RBFOX1: variants seen among roughly 807,000 people sequenced by gnomAD.
RBFOX1 encodes RNA binding fox-1 homolog 1.
A neutral mutation model predicts 57.7 loss-of-function variants in RBFOX1; 8 were observed. The ratio of observed to expected loss-of-function variants is 0.14; its 90% CI spans 0.08 to 0.25. The LOEUF (loss-of-function observed/expected upper bound fraction) is 0.25. Ranked by LOEUF, RBFOX1 falls within the 10% of genes least tolerant of loss-of-function variation. RBFOX1 has a pLI of 1.00. For synonymous variants in RBFOX1, 326 were observed against 222.4 expected, an observed-to-expected ratio of 1.47 and a Z score of -4.15; for missense variants, 611 against 548.5, an observed-to-expected ratio of 1.11 and a Z score of -1.14.
intron 3 of RBFOX1, among the ~76,000 whole-genome samples, chr16:6,866,380 A>G (rs1479012227): frequency 2.6e-5 from 4 of 151,978 alleles, no homozygotes; most frequent in Non-Finnish European, 5.9e-5. Context: ...TGGGTCTAAT[A>G]AAGAAGAAAA....
At chr16:6,539,018 CAT>C (rs1465267857) in intron 2 of RBFOX1, among the ~76,000 whole-genome samples, 3 of 151,972 alleles carry the variant, frequency 2.0e-5, no homozygotes, top group African/African-American at 4.8e-5. Context: ...TTTACTGTCT[CAT>C]GTGGAGTGTC....
At chr16:5,914,944 G>C (rs1327267869) in intron 4 of RBFOX1, among the ~76,000 whole-genome samples, 1 of 152,044 alleles carries the variant, frequency 6.6e-6, no homozygotes, top group African/African-American at 2.4e-5. Flanking sequence ...ATGACAAAGG[G>C]TTCACCAGTT....
In RBFOX1 at chr16:5,500,968, C is replaced by T. The variant is rs577834582; in HGVS notation, c.258+33714C>T. 3.3e-5 allele frequency among the ~76,000 whole-genome samples: 5 copies of T among 152,224 alleles called. No individual in the cohort carries two copies. The East Asian group carries it at 9.7e-4, about 29-fold the overall frequency. On this transcript the variant is annotated intron_variant, in intron 2 of 2. Transcript: ENST00000585867. ...CCAGTGGTGCCTCTTCATGGGCAGG[C>T]ATCATAATTTTGAAGTTTTACAGCA...
At chr16:6,004,345 G>A (rs113706039) in intron 4 of RBFOX1, among the ~76,000 whole-genome samples, 8 of 152,256 alleles carry the variant, frequency 5.3e-5, no homozygotes, top group African/African-American at 1.9e-4. Flanking sequence ...TCTGCAAAAT[G>A]GAGATAATAT....
intron 1 of RBFOX1, among the ~76,000 whole-genome samples, chr16:6,103,851 G>A (rs190274728): frequency 2.6e-5 from 4 of 152,272 alleles, no homozygotes; most frequent in South Asian, 2.1e-4. Context: ...AGGTCCACCC[G>A]CCACAGGGTT....
chr16:6,655,373 C>CAAAAAAAAA (rs71406388), intron 3 of RBFOX1, among the ~76,000 whole-genome samples: 677 of 33,670 alleles, frequency 0.02, 161 homozygotes, highest in Non-Finnish European at 0.024. Context: ...GCCTCCGTTT[C>CAAAAAAAAA]AAAAAAAAAA....
intron 2 of RBFOX1, among the ~76,000 whole-genome samples, chr16:6,432,445 G>T (rs2094125761): frequency 1.3e-5 from 2 of 151,874 alleles, no homozygotes; most frequent in African/African-American, 4.8e-5. Context: ...GGCAAGGCGG[G>T]CGGATCACCT....
chr16:6,322,721 A>G (rs912315596), intron 2 of RBFOX1, among the ~76,000 whole-genome samples: 2 of 152,184 alleles, frequency 1.3e-5, no homozygotes, highest in African/African-American at 4.8e-5. Flanking sequence ...CACATGCAAA[A>G]TTCAGCAGAT....
At chr16:5,280,649 G>A (rs2063248679) in intron 1 of RBFOX1, among the ~76,000 whole-genome samples, 1 of 152,106 alleles carries the variant, frequency 6.6e-6, no homozygotes, top group African/African-American at 2.4e-5. Context: ...TTTCTTCCTA[G>A]TTCAATCTTG....
At chr16:5,511,229 A>G (rs1235437754) in intron 2 of RBFOX1, among the ~76,000 whole-genome samples, 3 of 152,212 alleles carry the variant, frequency 2.0e-5, no homozygotes, top group Non-Finnish European at 4.4e-5. Context: ...ATTTTAAACA[A>G]TGGCTTGGCT....
chr16:7,164,367 A>G (rs2152409060), intron 4 of RBFOX1, among the ~76,000 whole-genome samples: 1 of 152,252 alleles, frequency 6.6e-6, no homozygotes, highest in East Asian at 1.9e-4. Flanking sequence ...CTCATTGGCT[A>G]ATGGGCATTT....
chr16:7,417,677 C>A (rs943070232), intron 4 of RBFOX1, among the ~76,000 whole-genome samples: 3 of 152,114 alleles, frequency 2.0e-5, no homozygotes, highest in African/African-American at 7.2e-5. Context: ...CTGCAGTGAC[C>A]TCCCTCCCTG....
chr16:7,216,205 C>T (rs1292397390), intron 4 of RBFOX1, among the ~76,000 whole-genome samples: 1 of 152,106 alleles, frequency 6.6e-6, no homozygotes, highest in East Asian at 1.9e-4. Context: ...GGGTTGTTTC[C>T]ACTTATTGGC....
At chr16:7,511,053 G>C (rs1298241600) in intron 4 of RBFOX1, among the ~76,000 whole-genome samples, 1 of 152,178 alleles carries the variant, frequency 6.6e-6, no homozygotes, top group Non-Finnish European at 1.5e-5. Flanking sequence ...GTGTGTGAGT[G>C]TGCACACACA....
At chr16:6,881,832 A>G (rs1190866657) in intron 3 of RBFOX1, among the ~76,000 whole-genome samples, 1 of 149,730 alleles carries the variant, frequency 6.7e-6, no homozygotes, top group Admixed American at 6.7e-5. Context: ...TCCCTATTTT[A>G]CAGAGCAGGA....
intron 4 of RBFOX1, among the ~76,000 whole-genome samples, chr16:5,994,664 A>G (rs2060461803): frequency 6.6e-6 from 1 of 152,206 alleles, no homozygotes; most frequent in African/African-American, 2.4e-5. Context: ...GTCACAGATA[A>G]TATGGCAATG....
chr16:5,574,647 TCTTGAA>T (rs1243376502), intron 2 of RBFOX1, among the ~76,000 whole-genome samples: 1 of 152,144 alleles, frequency 6.6e-6, no homozygotes, highest in East Asian at 1.9e-4. Context: ...GTCAGACTGG[TCTTGAA>T]CTCCTGACCT....
intron 3 of RBFOX1, among the ~76,000 whole-genome samples, chr16:6,978,168 G>A (rs1380492115): frequency 2.0e-5 from 3 of 152,110 alleles, no homozygotes; most frequent in South Asian, 4.1e-4. Context: ...GCATACGGCA[G>A]TGGAGGTAAT....
At chr16:6,455,710 C>A (rs561655569) in intron 2 of RBFOX1, among the ~76,000 whole-genome samples, 10 of 152,276 alleles carry the variant, frequency 6.6e-5, no homozygotes, top group African/African-American at 2.4e-4. Flanking sequence ...CTACACTTCA[C>A]AAAGCAGGAA....
Sources: gnomAD v4.1 joint callset for allele counts (sites outside exome capture counted in the v4.1 genomes callset) on GRCh38, gnomAD v4.1.1 for gene constraint, MANE v1.5 for transcripts, NCBI Gene and HGNC (gene_info 2026-07-23, HGNC 2026-07-21) for gene names.